OGFRL1: variants seen among roughly 807,000 people sequenced by gnomAD.
OGFRL1 encodes the protein opioid growth factor receptor like 1.
Under a neutral mutation model 32.4 loss-of-function variants are expected in OGFRL1, and 26 were observed. The ratio of observed to expected loss-of-function variants is 0.80; its 90% CI spans 0.59 to 1.11. OGFRL1 has a LOEUF of 1.11. Ranked by LOEUF, OGFRL1 falls within the 50% of genes most tolerant of loss-of-function variation. The pLI is 0.00. For missense variants in OGFRL1, 521 were observed against 546.4 expected (o/e 0.95, Z 0.46); for synonymous variants, 211 against 201.2 (o/e 1.05, Z -0.41).
In OGFRL1 at chr6:71,289,129, C is replaced by A; in HGVS notation, c.193C>A (p.Pro65Thr). ...EQAGGRPGAS[P>T]APDEDAEAAG... Reference sequence around the variant, plus strand: ...AGCCGGCGGGCGGCCCGGCGCCAGCCCCGCGCCGGACGAGGACGCCGAGGC... The same window carrying A: ...AGCCGGCGGGCGGCCCGGCGCCAGCACCGCGCCGGACGAGGACGCCGAGGC... Residue 65 changes from proline (P) to threonine (T), a missense_variant, in exon 1 of 7, where the codon CCC becomes ACC. Transcript: ENST00000370435. 2 of 1,108,090 alleles carry A rather than the reference C, an allele frequency of 1.8e-6. No homozygotes were observed. The highest frequency in any genetic ancestry group is 1.1e-6 in the Non-Finnish European group (1 of 910,844). 68.6% of individuals were successfully genotyped at this position (1,108,090 alleles called of 1,614,324 possible).
At chr6:71,301,170 A>G (rs1766372063) in intron 6 of OGFRL1, among the ~76,000 whole-genome samples, 2 of 152,230 alleles carry the variant, frequency 1.3e-5, no homozygotes, top group South Asian at 2.1e-4. Flanking sequence ...TATTTTATAC[A>G]TTTGACTTTC....
At chr6:71,294,405 G>A (rs1185655147) in intron 3 of OGFRL1, among the ~76,000 whole-genome samples, 2 of 152,170 alleles carry the variant, frequency 1.3e-5, no homozygotes, top group Non-Finnish European at 2.9e-5. Flanking sequence ...TTTGCTCTCA[G>A]TGGAAACTGA....
chr6:71,289,406 G>C (rs1308917345), intron 1 of OGFRL1: 2 of 984,964 alleles, frequency 2.0e-6, no homozygotes, highest in African/African-American at 3.5e-5. Flanking sequence ...AGGGCACGGC[G>C]AGGAAGTCCC....
chr6:71,301,272 C>T, intron 6 of OGFRL1, 114 bp from the exon 7 acceptor site: 1 of 880,958 alleles, frequency 1.1e-6, no homozygotes, highest in Non-Finnish European at 1.8e-6. Flanking sequence ...AGTCATTACA[C>T]AGCATATTTC....
Position 71,302,259 on chromosome 6 carries a change from T to C in OGFRL1, c.*210T>C, listed in dbSNP as rs896260112. 5.1e-6 allele frequency: 2 copies of C among 395,810 alleles called. No homozygotes were observed. The highest frequency in any genetic ancestry group is 4.1e-5 in the African/African-American group (2 of 48,218). 24.5% of individuals were successfully genotyped at this position (395,810 alleles called of 1,614,324 possible). On this transcript the variant is annotated 3_prime_UTR_variant, in exon 7 of 7. Coordinates refer to ENST00000370435, the MANE Select transcript of OGFRL1 (RefSeq NM_024576.5). ...TTTAAGATAAGACCCAATAAATGAA[T>C]GTATTCTGTAATGCTTTTAGGATGT...
intron 6 of OGFRL1, 116 bp from the exon 7 acceptor site, chr6:71,301,270 C>A: frequency 1.1e-6 from 1 of 873,344 alleles, no homozygotes; most frequent in Non-Finnish European, 1.8e-6. Flanking sequence ...GAAGTCATTA[C>A]ACAGCATATT....
In OGFRL1 at chr6:71,302,088, G is replaced by C; in HGVS notation, c.*39G>C. ...CCAGAAGCCAGTTTAGGCTAGAGAG[G>C]AAAAAACTACTGTATCATTTATCCT... is the stretch of plus-strand genomic sequence containing the variant. On this transcript the variant is annotated 3_prime_UTR_variant, in exon 7 of 7. Transcript: ENST00000370435. The C allele has an allele frequency of 6.9e-7, 1 of 1,446,986 alleles. No individual in the cohort carries two copies. Among genetic ancestry groups the C allele is most frequent in the South Asian group, 1.5e-5 (1 of 64,928 alleles). The allele number at this position is 1,446,986 out of a possible 1,614,324, so 89.6% of individuals were successfully genotyped here.
intron 1 of OGFRL1, among the ~76,000 whole-genome samples, chr6:71,293,061 A>G (rs1766096292): frequency 6.6e-6 from 1 of 152,224 alleles, no homozygotes; most frequent in South Asian, 2.1e-4. Flanking sequence ...AAAGTGTTTT[A>G]TTCAGTAATA....
intron 5 of OGFRL1, 47 bp from the exon 6 acceptor site, chr6:71,296,625 G>A (rs1766218877): frequency 1.2e-6 from 2 of 1,608,098 alleles, no homozygotes; most frequent in South Asian, 1.1e-5. Context: ...CACTGTCCTT[G>A]TAGCTACTGA....
At position 71,301,900 on chromosome 6, in the gene OGFRL1, A is replaced by G. The variant is rs763961445; in HGVS notation, c.1207A>G (p.Met403Val). 1.9e-6 allele frequency: 3 copies of G among 1,614,076 alleles called. No individual in the cohort carries two copies. The highest frequency in any genetic ancestry group is 1.7e-4 in the Middle Eastern group (1 of 6,056). The change falls in exon 7 of 7, where the codon ATG becomes GTG. Residue 403 changes from methionine to valine, a missense_variant. Physicochemically the swap from Met to Val is conservative, Grantham distance 21 (BLOSUM62 1). Coordinates refer to ENST00000370435, the MANE Select transcript of OGFRL1 (RefSeq NM_024576.5). The part of the protein sequence containing the change: ...NTEKDSNAEN[M>V]NSQPEKTVTT... ...AGAGAAGGACAGTAATGCTGAGAAC[A>G]TGAATTCTCAACCTGAGAAAACAGT...
chr6:71,291,526 G>A (rs1766051144), intron 1 of OGFRL1: 3 of 152,236 alleles, frequency 2.0e-5, no homozygotes, highest in Admixed American at 1.3e-4. Context: ...AGATCGAGAA[G>A]AGAGGGAAAT....
intron 1 of OGFRL1, 52 bp downstream of exon 1, chr6:71,289,222 A>G (rs1332983702): frequency 9.6e-7 from 1 of 1,041,696 alleles, no homozygotes; most frequent in Non-Finnish European, 1.2e-6. Context: ...CCGACACCCC[A>G]GAGGGGCAAG....
chr6:71,297,471 G>A (rs1213889967), intron 6 of OGFRL1, among the ~76,000 whole-genome samples: 2 of 152,010 alleles, frequency 1.3e-5, no homozygotes, highest in Non-Finnish European at 2.9e-5. Context: ...CATAACCAAA[G>A]TTTATTTTTC....
chr6:71,289,554 A>AAAAAAG (rs1765978683), intron 1 of OGFRL1: 2 of 810,196 alleles, frequency 2.5e-6, no homozygotes, highest in Admixed American at 6.8e-5. Flanking sequence ...TTGGTAAAAA[A>AAAAAAG]AAAAAAAAAA....
intron 6 of OGFRL1, 109 bp downstream of exon 6, chr6:71,296,926 T>C: frequency 7.8e-7 from 1 of 1,289,982 alleles, no homozygotes; most frequent in Non-Finnish European, 1.1e-6. Flanking sequence ...GCCCAGGAAT[T>C]TGGATTAAAA....
At chr6:71,298,301 C>G (rs1477887761) in intron 6 of OGFRL1, among the ~76,000 whole-genome samples, 1 of 152,130 alleles carries the variant, frequency 6.6e-6, no homozygotes, top group East Asian at 1.9e-4. Flanking sequence ...TGTGAAAGAG[C>G]TACATGCCAG....
intron 6 of OGFRL1, among the ~76,000 whole-genome samples, chr6:71,299,483 A>C (rs1766318008): frequency 6.6e-6 from 1 of 152,158 alleles, no homozygotes; most frequent in Non-Finnish European, 1.5e-5. Context: ...GCATATATAG[A>C]TATAGTAAAT....
At chr6:71,290,815 A>G (rs1314597375) in intron 1 of OGFRL1, among the ~76,000 whole-genome samples, 1 of 152,216 alleles carries the variant, frequency 6.6e-6, no homozygotes, top group Non-Finnish European at 1.5e-5. Flanking sequence ...TGGTGACATT[A>G]ACCAAGACAG....
Position 71,288,935 on chromosome 6 carries a change from C to CA in OGFRL1, c.1dup. 1 of 1,362,770 alleles carries CA rather than the reference C, an allele frequency of 7.3e-7. No individual in the cohort carries two copies. The highest frequency in any genetic ancestry group is 9.6e-7 in the Non-Finnish European group (1 of 1,041,576). 84.4% of individuals were successfully genotyped at this position (1,362,770 alleles called of 1,614,324 possible). A position where few individuals can be genotyped will look rare whatever the true frequency, so the allele number is the denominator to read the frequency against. ...AGCCCCGCGCCCGCCGCCGCCTCTTCAATGGGCAACCTGCTCGGCGGGGTC... is the reference window on the plus strand; with the variant it reads ...AGCCCCGCGCCCGCCGCCGCCTCTTCAAATGGGCAACCTGCTCGGCGGGGTC... On this transcript the variant is annotated 5_prime_UTR_variant, in exon 1 of 7. Transcript: ENST00000370435.
Sources: allele counts gnomAD v4.1 joint callset (sites outside exome capture counted in the v4.1 genomes callset), GRCh38; gene constraint gnomAD v4.1.1; transcripts MANE v1.5; gene names NCBI Gene and HGNC (gene_info 2026-07-23, HGNC 2026-07-21).